Variants in ZNF708 observed in about 807,000 individuals in gnomAD.
ZNF708 encodes zinc finger protein 708.
ZNF708 carries 44 observed loss-of-function variants against 47.0 expected under a neutral mutation model. That is an observed-to-expected ratio of 0.94 (90% confidence interval 0.74 to 1.20). The LOEUF (loss-of-function observed/expected upper bound fraction) is 1.20. Among genes scored for constraint, ZNF708 ranks in the 50% most tolerant of loss-of-function variants. The probability of loss-of-function intolerance (pLI) is 0.00; values close to 1 mark genes in which losing one functional copy is unlikely to be tolerated. For missense variants in ZNF708, 557 were observed against 656.0 expected (o/e 0.85, Z 1.65); for synonymous variants, 184 against 218.5 (o/e 0.84, Z 1.39).
chr19:21,297,960 AGTGT>A (rs66590988), intron 3 of ZNF708, among the ~76,000 whole-genome samples: 71,973 of 149,666 alleles, frequency 0.48, 17,015 homozygotes, highest in East Asian at 0.56. Context: ...ACAAATGACT[AGTGT>A]GTGTGTGTGT....
chr19:21,315,120 C>G (rs369778789), intron 1 of ZNF708, among the ~76,000 whole-genome samples: 1 of 152,164 alleles, frequency 6.6e-6, no homozygotes, highest in Admixed American at 6.6e-5. Context: ...GTCTTGATCT[C>G]TCACTCCTAA....
chr19:21,327,699 G>A (rs1973290172), intron 1 of ZNF708, among the ~76,000 whole-genome samples: 1 of 151,860 alleles, frequency 6.6e-6, no homozygotes, highest in South Asian at 2.1e-4. Flanking sequence ...CTTGGGTCAG[G>A]TTTTTCTTTG....
chr19:21,300,551 C>CAA (rs929532471), intron 3 of ZNF708, among the ~76,000 whole-genome samples: 2 of 148,110 alleles, frequency 1.4e-5, no homozygotes, highest in Non-Finnish European at 3.0e-5. Flanking sequence ...CACAAGCAAA[C>CAA]AGAGATAATT....
At chr19:21,297,321 G>A (rs1245456306) in intron 3 of ZNF708, among the ~76,000 whole-genome samples, 23 of 111,236 alleles carry the variant, frequency 2.1e-4, no homozygotes, top group Admixed American at 5.1e-4. Context: ...TCACTCTGTC[G>A]CCCAGGCTGG....
Position 21,292,455 on chromosome 19 carries a change from G to C in ZNF708, c.*819C>G, listed in dbSNP as rs1336322934. On this transcript the variant is annotated 3_prime_UTR_variant, in exon 4 of 4. Coordinates refer to ENST00000356929, the MANE Select transcript of ZNF708 (RefSeq NM_021269.3). ...GTATGAACCCTCTGGTGTTGTCTAAGTTGTAGTTTTGGAAAACTTTTTTTT... is the reference window on the plus strand; with the variant it reads ...GTATGAACCCTCTGGTGTTGTCTAACTTGTAGTTTTGGAAAACTTTTTTTT... 2 of 152,160 alleles carry C rather than the reference G, an allele frequency of 1.3e-5. No homozygotes were observed. The highest frequency in any genetic ancestry group is 4.8e-5 in the African/African-American group (2 of 41,432). 9.4% of individuals were successfully genotyped at this position (152,160 alleles called of 1,614,324 possible). A position where few individuals can be genotyped will look rare whatever the true frequency, so the allele number is the denominator to read the frequency against.
intron 1 of ZNF708, among the ~76,000 whole-genome samples, chr19:21,328,621 T>A (rs940974109): frequency 6.6e-6 from 1 of 152,144 alleles, no homozygotes; most frequent in Non-Finnish European, 1.5e-5. Flanking sequence ...GGCTTTCTAC[T>A]TAACAGCAAC....
rs528569016 is a variant in ZNF708 at position 21,298,450 on chromosome 19, T to C, written c.227-3711A>G. Among the ~76,000 whole-genome samples, 4 of 152,312 alleles carry C rather than the reference T, an allele frequency of 2.6e-5. No homozygotes were observed. The East Asian group carries it at 5.8e-4, about 22-fold the overall frequency. On this transcript the variant is annotated intron_variant, in intron 3 of 3. Coordinates refer to ENST00000356929, the MANE Select transcript of ZNF708 (RefSeq NM_021269.3). ...GTTGTTCAAAGGTTGAAATAATTAA[T>C]ATTGTGTAGATGTCCATGCTGCTGA...
intron 1 of ZNF708, among the ~76,000 whole-genome samples, chr19:21,321,784 C>T (rs1268279425): frequency 1.3e-5 from 2 of 152,034 alleles, no homozygotes; most frequent in Non-Finnish European, 2.9e-5. Flanking sequence ...TGGTGCTATG[C>T]TTAGTACTTC....
chr19:21,327,573 G>C (rs1321917488), intron 1 of ZNF708, among the ~76,000 whole-genome samples: 1 of 151,184 alleles, frequency 6.6e-6, no homozygotes, highest in Non-Finnish European at 1.5e-5. Flanking sequence ...AGATGTGTCT[G>C]ACTGATATTC....
At chr19:21,313,568 G>C (rs1190956200) in intron 1 of ZNF708, among the ~76,000 whole-genome samples, 1 of 151,964 alleles carries the variant, frequency 6.6e-6, no homozygotes, top group Non-Finnish European at 1.5e-5. Context: ...GACCAGCCTA[G>C]CCAACATGGT....
intron 3 of ZNF708, among the ~76,000 whole-genome samples, chr19:21,303,412 G>A (rs1034210255): frequency 6.6e-6 from 1 of 152,108 alleles, no homozygotes; most frequent in African/African-American, 2.4e-5. Flanking sequence ...AAATTAGATG[G>A]GTGTGGTGGC....
chr19:21,292,796 C>G lies in ZNF708; in HGVS notation c.*478G>C, dbSNP rs2145142355. On this transcript the variant is annotated 3_prime_UTR_variant, in exon 4 of 4. Transcript: ENST00000356929. Reference sequence around the variant, plus strand: ...CAGTCTTTATATTGGTACAATTTTTCTCAAGTATAAATGCTTTCCTGGCAA... The same window carrying G: ...CAGTCTTTATATTGGTACAATTTTTGTCAAGTATAAATGCTTTCCTGGCAA... 1 of 164,944 alleles carries G rather than the reference C, an allele frequency of 6.1e-6. No homozygotes were observed. Among genetic ancestry groups the G allele is most frequent in the South Asian group, 1.5e-4 (1 of 6,630 alleles). 10.2% of individuals were successfully genotyped at this position (164,944 alleles called of 1,614,324 possible).
chr19:21,320,984 A>T (rs1973119512), intron 1 of ZNF708, among the ~76,000 whole-genome samples: 1 of 151,952 alleles, frequency 6.6e-6, no homozygotes, highest in Non-Finnish European at 1.5e-5. Context: ...TACTAAAAAT[A>T]CAAAAAATTA....
intron 1 of ZNF708, chr19:21,318,675 G>A (rs185891649): frequency 6.6e-6 from 1 of 152,166 alleles, no homozygotes; most frequent in African/African-American, 2.4e-5. Context: ...ATTGAATGGG[G>A]GTTCCATATT....
rs377522803 is a variant in ZNF708, at chr19:21,295,132, G to A, written c.227-393C>T. On this transcript the variant is annotated intron_variant, in intron 3 of 3. Coordinates refer to ENST00000356929, the MANE Select transcript of ZNF708 (RefSeq NM_021269.3). ...CATACATCTTTATTTCTGGCTCTTAGGGGCCTTTTCAGACACTGGTTTCTG... is the reference window on the plus strand; with the variant it reads ...CATACATCTTTATTTCTGGCTCTTAAGGGCCTTTTCAGACACTGGTTTCTG... Among the ~76,000 whole-genome samples, 7 of 149,106 alleles carry A rather than the reference G, an allele frequency of 4.7e-5. 1 individual carries two copies. The East Asian group carries it at 1.2e-3, about 25-fold the overall frequency.
intron 1 of ZNF708, chr19:21,327,960 C>T (rs1973296449): frequency 3.9e-6 from 4 of 1,030,282 alleles, no homozygotes; most frequent in South Asian, 7.6e-5. Context: ...CACTCCATAC[C>T]TCAGGTTGTC....
rs1972473144 is a variant in ZNF708 at position 21,294,156 on chromosome 19, A to G, written c.810T>C (p.His270=). 1.9e-6 allele frequency: 3 copies of G among 1,611,990 alleles called. No homozygotes were observed. The highest frequency in any genetic ancestry group is 2.5e-6 in the Non-Finnish European group (3 of 1,179,526). Residue 270 remains histidine (H), a synonymous_variant, in exon 4 of 4, where the codon CAT becomes CAC. Coordinates refer to ENST00000356929, the MANE Select transcript of ZNF708 (RefSeq NM_021269.3). ...GTTTCTCTCCAGTATGAACTATCTT[A>G]TGTTTAGTAAGGTTTGAGGACCGGT... ...AFNRSSNLTK[H]KIVHTGEKPY... is the part of the protein sequence containing the mutation.
rs760834568 is a variant in ZNF708, at chr19:21,293,991, TGTA to T, written c.972_974del (p.Thr325del). ...TCTCACCAGTATGAATCCTCTTATG[TGTA>T]GTAAGGTGTGAAGATAGGGTAAAGG... is the stretch of plus-strand genomic sequence containing the variant. On this transcript the variant is annotated inframe_deletion, in exon 4 of 4. Coordinates refer to ENST00000356929, the MANE Select transcript of ZNF708 (RefSeq NM_021269.3). 3.3e-5 allele frequency: 54 copies of T among 1,611,974 alleles called. No homozygotes were observed. The highest frequency in any genetic ancestry group is 4.4e-5 in the Non-Finnish European group (52 of 1,179,228).
At chr19:21,299,287 A>G (rs1035967889) in intron 3 of ZNF708, among the ~76,000 whole-genome samples, 1 of 152,120 alleles carries the variant, frequency 6.6e-6, no homozygotes, top group African/African-American at 2.4e-5. Flanking sequence ...TGGGAGGCAG[A>G]GGTTGCAATG....
Sources: gnomAD v4.1 joint callset for allele counts (sites outside exome capture counted in the v4.1 genomes callset) on GRCh38, gnomAD v4.1.1 for gene constraint, MANE v1.5 for transcripts, NCBI Gene and HGNC (gene_info 2026-07-23, HGNC 2026-07-21) for gene names.